Variants in SLC35A5 observed in about 807,000 individuals in gnomAD.
SLC35A5 encodes the protein solute carrier family 35 member A5.
Under a neutral mutation model 36.3 loss-of-function variants are expected in SLC35A5, and 28 were observed. The ratio of observed to expected loss-of-function variants is 0.77; its 90% CI spans 0.57 to 1.06. The LOEUF is 1.06. Among genes scored for constraint, SLC35A5 ranks in the 50% least tolerant of loss-of-function variants. The pLI, the probability that SLC35A5 is intolerant of heterozygous loss-of-function variation, is 0.00. For synonymous variants in SLC35A5, 180 were observed against 173.7 expected, an observed-to-expected ratio of 1.04 and a Z score of -0.29; for missense variants, 521 against 499.3, an observed-to-expected ratio of 1.04 and a Z score of -0.41.
rs1934188908 is a variant in SLC35A5, at chr3:112,566,170, G to A, written c.130+2637G>A. Among the ~76,000 whole-genome samples the A allele has an allele frequency of 2.0e-5, 3 of 152,190 alleles. 1 individual carries two copies. The South Asian group carries it at 6.2e-4, about 31-fold the overall frequency. ...TAAAAAAGATAACATATAGCTCCAA[G>A]GTTTCTGGTTTGAATGCTGAGTGGA... On this transcript the variant is annotated intron_variant, in intron 2 of 6. Transcript: ENST00000492406.
At chr3:112,561,675 G>C, upstream of SLC35A5, 1 of 761,362 alleles carries the variant, frequency 1.3e-6, no homozygotes, top group South Asian at 1.8e-5. Flanking sequence ...GCGACGCGAC[G>C]GGACGGGCGG....
rs532198006 is a variant in SLC35A5, at chr3:112,582,514, T to C, written c.1210-157T>C. Among the ~76,000 whole-genome samples, 29 of 152,298 alleles carry C rather than the reference T, an allele frequency of 1.9e-4. No individual in the cohort carries two copies. In the East Asian group the frequency reaches 5.0e-3, roughly 26 times the overall value. The stretch of plus-strand genomic sequence containing the variant: ...ACTTTTTTATCCTCTCATACTTCTA[T>C]AGTTAACTTTCCAAGAACATAAGTA... On this transcript the variant is annotated intron_variant, in intron 6 of 6. Transcript: ENST00000492406.
chr3:112,565,240 T>G (rs1341266362), intron 2 of SLC35A5, among the ~76,000 whole-genome samples: 1 of 152,174 alleles, frequency 6.6e-6, no homozygotes, highest in Non-Finnish European at 1.5e-5. Context: ...CTGCAATAAT[T>G]GATATATCCT....
upstream of SLC35A5, chr3:112,561,440 A>G (rs1258024905): frequency 3.7e-6 from 6 of 1,606,272 alleles, no homozygotes; most frequent in African/African-American, 2.7e-5. Context: ...GCTCCCGGCA[A>G]CCCTGGCCTG....
intron 4 of SLC35A5, among the ~76,000 whole-genome samples, chr3:112,571,934 T>G (rs1185450574): frequency 3.1e-5 from 4 of 127,502 alleles, no homozygotes; most frequent in African/African-American, 1.2e-4. Context: ...TTTTTTTTTT[T>G]TTTTTTTTTT....
intron 5 of SLC35A5, among the ~76,000 whole-genome samples, chr3:112,578,335 A>G (rs755254906): frequency 1.3e-5 from 2 of 152,186 alleles, no homozygotes; most frequent in Non-Finnish European, 1.5e-5. Flanking sequence ...TTATGTAGTG[A>G]CAACAGTGAG....
chr3:112,567,305 G>A (rs1175797566), intron 2 of SLC35A5, among the ~76,000 whole-genome samples: 1 of 151,980 alleles, frequency 6.6e-6, no homozygotes, highest in African/African-American at 2.4e-5. Flanking sequence ...TATCTGAGAA[G>A]GGAAGATTTG....
chr3:112,570,933 T>TTTTTATGTAACCCTA (rs1934409300), intron 4 of SLC35A5, among the ~76,000 whole-genome samples: 1 of 152,182 alleles, frequency 6.6e-6, no homozygotes, highest in Non-Finnish European at 1.5e-5. Context: ...AAGCCACCTC[T>TTTTTATGTAACCCTA]TTTTATGTAA....
Position 112,563,448 on chromosome 3 carries a change from A to G in SLC35A5, c.45A>G (p.Ser15=), listed in dbSNP as rs1934035768. The G allele has an allele frequency of 1.3e-6, 2 of 1,596,106 alleles. No homozygotes were observed. The highest frequency in any genetic ancestry group is 1.3e-5 in the African/African-American group (1 of 74,724). Residue 15 remains serine (S), a synonymous_variant, in exon 2 of 7, where the codon TCA becomes TCG. Coordinates refer to ENST00000492406, the MANE Select transcript of SLC35A5 (RefSeq NM_017945.5). ...CCSHPVICSL[S]TMYTFLLGAI... is the part of the protein sequence containing the mutation. ...GTCATCCTGTAATATGCTCCTTGTC[A>G]ACAATGTATACATTCCTGCTAGGTG...
At chr3:112,567,052 C>T (rs182727865) in intron 2 of SLC35A5, among the ~76,000 whole-genome samples, 3 of 152,016 alleles carry the variant, frequency 2.0e-5, no homozygotes, top group African/African-American at 7.2e-5. Context: ...CAGTGAAACC[C>T]CATCTCCACT....
At chr3:112,561,781 C>T, upstream of SLC35A5, 1 of 490,400 alleles carries the variant, frequency 2.0e-6, no homozygotes, top group Admixed American at 4.2e-5. Flanking sequence ...CAGCTGTCAC[C>T]CAGCCGCGAG....
chr3:112,567,236 AAACAAAAACAG>A, intron 2 of SLC35A5, among the ~76,000 whole-genome samples: 1 of 150,480 alleles, frequency 6.6e-6, no homozygotes, highest in African/African-American at 2.4e-5. Flanking sequence ...AAAAAACAAA[AAACAAAAACAG>A]ACAAACAAAC....
At position 112,582,748 on chromosome 3, in the gene SLC35A5, A is replaced by G. The variant is rs1446621911; in HGVS notation, c.*12A>G. 1.0e-5 allele frequency: 16 copies of G among 1,606,180 alleles called. No homozygotes were observed. The highest frequency in any genetic ancestry group is 1.4e-5 in the Non-Finnish European group (16 of 1,173,634). ...AAGATACTTTCTAACTGGTACCCAC[A>G]TAGTTTGCAGCTCTCTTGAACCTTA... is the stretch of plus-strand genomic sequence containing the variant. On this transcript the variant is annotated 3_prime_UTR_variant, in exon 7 of 7. Transcript: ENST00000492406.
At position 112,583,231 on chromosome 3, in the gene SLC35A5, CGTT is replaced by C. The variant is rs1297537081; in HGVS notation, c.*497_*499del. 1.5e-5 allele frequency: 6 copies of C among 396,892 alleles called. No homozygotes were observed. Among genetic ancestry groups the C allele is most frequent in the African/African-American group, 1.0e-4 (5 of 48,526 alleles). 24.6% of individuals were successfully genotyped at this position (396,892 alleles called of 1,614,324 possible). On this transcript the variant is annotated 3_prime_UTR_variant, in exon 7 of 7. Coordinates refer to ENST00000492406, the MANE Select transcript of SLC35A5 (RefSeq NM_017945.5). ...AGAGCAACGGGACCCTTTCTAAAAA[CGTT>C]GGTTGAAGGACCTAAATACCTGGCC...
rs140634268 is a variant in SLC35A5, at chr3:112,580,615, C to T, written c.498C>T (p.Ala166=). 1.5e-5 allele frequency: 24 copies of T among 1,613,918 alleles called. No individual in the cohort carries two copies. Among genetic ancestry groups the T allele is most frequent in the African/African-American group, 1.5e-4 (11 of 74,884 alleles). The change falls in exon 6 of 7, where the codon GCC becomes GCT. Residue 166 remains alanine (A), a synonymous_variant. Coordinates refer to ENST00000492406, the MANE Select transcript of SLC35A5 (RefSeq NM_017945.5). The part of the protein sequence containing the change: ...TLFLSIVALT[A]GTKTLQHNLA... Reference sequence around the variant, plus strand: ...TTTTGTCTATTGTGGCCTTGACTGCCGGGACTAAAACTTTACAGCACAACT... The same window carrying T: ...TTTTGTCTATTGTGGCCTTGACTGCTGGGACTAAAACTTTACAGCACAACT...
At chr3:112,573,783 G>GTT (rs1463222650) in intron 4 of SLC35A5, 106 bp from the exon 5 acceptor site, 1 of 862,830 alleles carries the variant, frequency 1.2e-6, no homozygotes, top group African/African-American at 1.7e-5. Context: ...TAACCCCTCT[G>GTT]TTTTTTGACC....
At chr3:112,562,309 G>C (rs958997390) in intron 1 of SLC35A5, 36 bp downstream of exon 1, 1 of 152,512 alleles carries the variant, frequency 6.6e-6, no homozygotes, top group African/African-American at 2.4e-5. Flanking sequence ...TTGCGCCTGC[G>C]TCTGAGGGGA....
At chr3:112,562,525 T>TA (rs1933968075) in intron 1 of SLC35A5, among the ~76,000 whole-genome samples, 1 of 152,204 alleles carries the variant, frequency 6.6e-6, no homozygotes, top group South Asian at 2.1e-4. Flanking sequence ...GCAAGTTACT[T>TA]ACCCAACCTG....
At chr3:112,579,132 C>T (rs142789567) in intron 5 of SLC35A5, among the ~76,000 whole-genome samples, 127 of 152,222 alleles carry the variant, frequency 8.3e-4, no homozygotes, top group African/African-American at 2.8e-3. Flanking sequence ...TTTATATGCA[C>T]ACAACTTCCT....
Sources: allele counts gnomAD v4.1 joint callset (sites outside exome capture counted in the v4.1 genomes callset), GRCh38; gene constraint gnomAD v4.1.1; transcripts MANE v1.5; gene names NCBI Gene and HGNC (gene_info 2026-07-23, HGNC 2026-07-21).